FHOD3: variants seen among roughly 807,000 people sequenced by gnomAD.
FHOD3 encodes the protein formin homology 2 domain containing 3.
In FHOD3, 90 loss-of-function variants were observed where a neutral mutation model predicts 173.0. The ratio of observed to expected loss-of-function variants is 0.52; its 90% confidence interval spans 0.44 to 0.62. FHOD3 has a LOEUF of 0.62. FHOD3 is among the 20% of genes least tolerant of loss of function. FHOD3 has a pLI of 0.00. For missense variants in FHOD3, 1,945 were observed against 2,034.7 expected, an observed-to-expected ratio of 0.96 and a Z score of 0.85; for synonymous variants, 828 against 823.0, an observed-to-expected ratio of 1.01 and a Z score of -0.10.
At chr18:36,672,190 G>A (rs550145055) in intron 14 of FHOD3, among the ~76,000 whole-genome samples, 86 of 152,262 alleles carry the variant, frequency 5.6e-4, no homozygotes, top group Non-Finnish European at 9.0e-4. Flanking sequence ...ATTGGAGTCC[G>A]CCAATGAAGT....
chr18:36,737,864 G>A (rs529697268), intron 20 of FHOD3, among the ~76,000 whole-genome samples: 1 of 152,314 alleles, frequency 6.6e-6, no homozygotes, highest in East Asian at 1.9e-4. Flanking sequence ...CTAATATAGA[G>A]TGCAGTCGAC....
chr18:36,316,061 A>G (rs76622912), intron 1 of FHOD3, among the ~76,000 whole-genome samples: 13,187 of 151,022 alleles, frequency 0.087, 1,854 homozygotes, highest in African/African-American at 0.3. Flanking sequence ...TTTGTGTCTC[A>G]GGTCTCTGGT....
chr18:36,681,615 T>A, intron 15 of FHOD3, 45 bp downstream of exon 15: 1 of 1,523,660 alleles, frequency 6.6e-7, no homozygotes, highest in Non-Finnish European at 8.8e-7. Flanking sequence ...AGTTAAAAAT[T>A]AAAGGCATGT....
chr18:36,628,762 CCTTT>C (rs2058428443), intron 10 of FHOD3, among the ~76,000 whole-genome samples: 1 of 152,126 alleles, frequency 6.6e-6, no homozygotes, highest in Non-Finnish European at 1.5e-5. Flanking sequence ...AAGCAGGAGC[CCTTT>C]CTGTCAAGTT....
At chr18:36,656,547 A>G (rs546621449) in intron 13 of FHOD3, among the ~76,000 whole-genome samples, 15 of 152,190 alleles carry the variant, frequency 9.9e-5, no homozygotes, top group Non-Finnish European at 2.2e-4. Flanking sequence ...GGTCGTATCA[A>G]TATTTTATTT....
At chr18:36,360,525 G>A (rs1461431210) in intron 2 of FHOD3, among the ~76,000 whole-genome samples, 1 of 152,210 alleles carries the variant, frequency 6.6e-6, no homozygotes, top group Non-Finnish European at 1.5e-5. Context: ...ATGGCTGGAT[G>A]TGCATCTGGG....
chr18:36,452,532 CAG>C (rs2051917432), intron 3 of FHOD3, among the ~76,000 whole-genome samples: 1 of 152,142 alleles, frequency 6.6e-6, no homozygotes, highest in South Asian at 2.1e-4. Flanking sequence ...CATAGTACAG[CAG>C]ATCTTTAGAA....
At chr18:36,672,823 A>G (rs952427817) in intron 14 of FHOD3, among the ~76,000 whole-genome samples, 2 of 152,230 alleles carry the variant, frequency 1.3e-5, no homozygotes, top group East Asian at 3.9e-4. Context: ...CACTTTGTTC[A>G]AAAAGTAATT....
rs894656081 is a variant in FHOD3 at position 36,718,006 on chromosome 18, C to T, written c.2708C>T (p.Ala903Val). The stretch of plus-strand genomic sequence containing the variant: ...ACCCAGCAGGAGGCAGAGGCGGTAG[C>T]CAGCCTTGCTACCAGGATATCCACC... ...GRTQQEAEAV[A>V]SLATRISTLQ... The change falls in exon 19 of 29, where the codon GCC becomes GTC. Residue 903 changes from alanine to valine, a missense_variant. Coordinates refer to ENST00000590592, the MANE Select transcript of FHOD3 (RefSeq NM_001281740.3). The T allele has an allele frequency of 3.7e-6, 6 of 1,610,298 alleles. No individual in the cohort carries two copies. In the Admixed American group the frequency reaches 6.7e-5, roughly 18 times the overall value.
At chr18:36,479,613 A>G (rs2053772683) in intron 3 of FHOD3, among the ~76,000 whole-genome samples, 1 of 137,308 alleles carries the variant, frequency 7.3e-6, no homozygotes, top group Admixed American at 7.4e-5. Context: ...ATATATATAT[A>G]TTCCAAATGA....
chr18:36,721,568 C>A (rs941393549), intron 19 of FHOD3, among the ~76,000 whole-genome samples: 1 of 152,080 alleles, frequency 6.6e-6, no homozygotes, highest in Non-Finnish European at 1.5e-5. Flanking sequence ...ATATCCTGAG[C>A]CTGAGAAGGT....
At chr18:36,505,839 C>T (rs2055271908) in intron 4 of FHOD3, among the ~76,000 whole-genome samples, 2 of 152,166 alleles carry the variant, frequency 1.3e-5, no homozygotes, top group South Asian at 4.1e-4. Context: ...ATACGGGTGC[C>T]AAGGACAGAA....
chr18:36,704,105 A>C (rs1270130824), intron 17 of FHOD3, among the ~76,000 whole-genome samples: 1 of 152,168 alleles, frequency 6.6e-6, no homozygotes, highest in Admixed American at 6.5e-5. Flanking sequence ...TCCACCTTGC[A>C]GAAAGTATCC....
chr18:36,710,979 C>T (rs1385935051), intron 18 of FHOD3: 1 of 152,196 alleles, frequency 6.6e-6, no homozygotes, highest in Non-Finnish European at 1.5e-5. Flanking sequence ...ACAGGGCTTT[C>T]TTGGATCAGA....
chr18:36,473,265 T>A (rs2053383621), intron 3 of FHOD3, among the ~76,000 whole-genome samples: 1 of 152,198 alleles, frequency 6.6e-6, no homozygotes, highest in East Asian at 1.9e-4. Context: ...AATACAAAAA[T>A]TAGCTGAGTA....
chr18:36,460,944 G>A (rs2144710143), intron 3 of FHOD3, among the ~76,000 whole-genome samples: 1 of 152,248 alleles, frequency 6.6e-6, no homozygotes, highest in South Asian at 2.1e-4. Context: ...GCTGACCCCT[G>A]GGCATAGCAG....
chr18:36,312,534 A>T (rs1002656383), intron 1 of FHOD3, among the ~76,000 whole-genome samples: 1 of 152,150 alleles, frequency 6.6e-6, no homozygotes, highest in Non-Finnish European at 1.5e-5. Flanking sequence ...ATACTGCCTC[A>T]GCGAGGAGCA....
rs1233437689 is a variant in FHOD3 at position 36,652,592 on chromosome 18, C to T, written c.1309C>T (p.Gln437Ter). 2 of 1,534,134 alleles carry T rather than the reference C, an allele frequency of 1.3e-6. No homozygotes were observed. The highest frequency in any genetic ancestry group is 1.7e-6 in the Non-Finnish European group (2 of 1,146,330). The part of the protein sequence containing the change: ...KDSKVGAASG[Q>*]SPTGRDAAPK... ...CAGCAAGGTCGGCGCTGCCTCAGGG[C>T]AGAGCCCCACTGGAAGGGATGCTGC... Residue 437 changes from glutamine to a stop codon, truncating the protein, a stop_gained, in exon 12 of 29, where the codon CAG becomes TAG. Coordinates refer to ENST00000590592, the MANE Select transcript of FHOD3 (RefSeq NM_001281740.3). LOFTEE classifies it high-confidence loss of function.
chr18:36,452,830 GT>G (rs2051941075), intron 3 of FHOD3, among the ~76,000 whole-genome samples: 2 of 151,796 alleles, frequency 1.3e-5, no homozygotes, highest in African/African-American at 4.8e-5. Flanking sequence ...ATATATATGT[GT>G]GTGTATGTAT....
Sources: allele counts gnomAD v4.1 joint callset (sites outside exome capture counted in the v4.1 genomes callset), GRCh38; gene constraint gnomAD v4.1.1; transcripts MANE v1.5; gene names NCBI Gene and HGNC (gene_info 2026-07-23, HGNC 2026-07-21).